The following MTHFD2L variants were observed in gnomAD, a reference collection of about 807,000 sequenced individuals.
MTHFD2L encodes methylenetetrahydrofolate dehydrogenase (NADP+ dependent) 2 like.
In MTHFD2L, 29 loss-of-function variants were observed where a neutral mutation model predicts 34.9. The ratio of observed to expected loss-of-function variants is 0.83; its 90% CI spans 0.62 to 1.13. MTHFD2L has a LOEUF of 1.13. Ranked by LOEUF, MTHFD2L falls within the 50% of genes most tolerant of loss-of-function variation. MTHFD2L has a pLI of 0.00. For missense variants in MTHFD2L, 481 were observed against 446.5 expected, an observed-to-expected ratio of 1.08 and a Z score of -0.70; for synonymous variants, 167 against 155.7, an observed-to-expected ratio of 1.07 and a Z score of -0.54.
At chr4:74,189,537 T>C (rs541789240) in intron 3 of MTHFD2L, among the ~76,000 whole-genome samples, 1 of 142,976 alleles carries the variant, frequency 7.0e-6, no homozygotes, top group Non-Finnish European at 1.5e-5. Flanking sequence ...CACTGGAAGG[T>C]GAGTAAATCA....
chr4:74,140,903 A>G (rs1393248501), intron 1 of MTHFD2L, among the ~76,000 whole-genome samples: 4 of 152,322 alleles, frequency 2.6e-5, no homozygotes, highest in Admixed American at 6.5e-5. Flanking sequence ...CCCACAAAAC[A>G]TGGGGATTAT....
chr4:74,150,817 A>G (rs1001530708), intron 1 of MTHFD2L, among the ~76,000 whole-genome samples: 3 of 152,082 alleles, frequency 2.0e-5, no homozygotes, highest in African/African-American at 7.2e-5. Flanking sequence ...GACACTTTTC[A>G]TATTAAAACT....
upstream of MTHFD2L, chr4:74,125,303 CT>C (rs1350277664): frequency 6.6e-6 from 1 of 152,142 alleles, no homozygotes. Flanking sequence ...GTTCCTGCAG[CT>C]CCCAGAAAAT....
chr4:74,136,597 G>A (rs901654810), intron 1 of MTHFD2L, among the ~76,000 whole-genome samples: 1 of 152,012 alleles, frequency 6.6e-6, no homozygotes, highest in Admixed American at 6.6e-5. Flanking sequence ...AAATTCCAAT[G>A]ACATTCTTCA....
intron 1 of MTHFD2L, among the ~76,000 whole-genome samples, chr4:74,142,080 A>T (rs1244641007): frequency 6.6e-6 from 1 of 152,232 alleles, no homozygotes. Flanking sequence ...CGATTCTCCT[A>T]TGAAAAACTC....
intron 1 of MTHFD2L, among the ~76,000 whole-genome samples, chr4:74,146,021 G>A (rs1414784819): frequency 1.3e-5 from 2 of 152,062 alleles, no homozygotes; most frequent in South Asian, 2.1e-4. Flanking sequence ...GTGGGAGAAT[G>A]TACTAATACA....
At chr4:74,278,980 C>T (rs1169781617) in intron 6 of MTHFD2L, among the ~76,000 whole-genome samples, 1 of 152,084 alleles carries the variant, frequency 6.6e-6, no homozygotes, top group Non-Finnish European at 1.5e-5. Context: ...ACCTATGACT[C>T]TACCAATAGA....
intron 1 of MTHFD2L, among the ~76,000 whole-genome samples, chr4:74,139,188 G>A (rs1169964323): frequency 6.6e-6 from 1 of 152,164 alleles, no homozygotes; most frequent in East Asian, 1.9e-4. Flanking sequence ...GCAGTAGAAT[G>A]TGTCTGAAGC....
At chr4:74,157,748 G>GT, upstream of MTHFD2L, 1 of 473,184 alleles carries the variant, frequency 2.1e-6, no homozygotes. Context: ...CACGGAGACT[G>GT]TTGGGCAGGA....
At chr4:74,296,324 A>G (rs1023721430) in intron 7 of MTHFD2L, among the ~76,000 whole-genome samples, 3 of 152,152 alleles carry the variant, frequency 2.0e-5, no homozygotes, top group Admixed American at 6.6e-5. Context: ...AGCAAATTAT[A>G]TGGCTGACAT....
intron 6 of MTHFD2L, among the ~76,000 whole-genome samples, chr4:74,265,489 C>A (rs921894877): frequency 2.6e-5 from 4 of 152,128 alleles, no homozygotes; most frequent in African/African-American, 9.7e-5. Flanking sequence ...ATGTGCCAGG[C>A]AATGTGCTAC....
chr4:74,167,378 T>C (rs1426451434), intron 1 of MTHFD2L, among the ~76,000 whole-genome samples: 2 of 152,206 alleles, frequency 1.3e-5, no homozygotes, highest in African/African-American at 2.4e-5. Context: ...GGCCACAGGC[T>C]TGTGAACCAT....
chr4:74,122,635 ACAT>A (rs1721821424), upstream of MTHFD2L, among the ~76,000 whole-genome samples: 1 of 152,232 alleles, frequency 6.6e-6, no homozygotes, highest in African/African-American at 2.4e-5. Context: ...TCATAAGGAA[ACAT>A]CAGATAAATT....
At chr4:74,198,926 C>G (rs1733941343) in intron 3 of MTHFD2L, among the ~76,000 whole-genome samples, 1 of 151,938 alleles carries the variant, frequency 6.6e-6, no homozygotes, top group Non-Finnish European at 1.5e-5. Flanking sequence ...ATATAAAACC[C>G]AAGGCATAGC....
intron 7 of MTHFD2L, among the ~76,000 whole-genome samples, chr4:74,290,003 T>G (rs1465483287): frequency 6.6e-6 from 1 of 152,196 alleles, no homozygotes; most frequent in Non-Finnish European, 1.5e-5. Context: ...AAAGGTTTTA[T>G]GCACTCAATA....
intron 6 of MTHFD2L, among the ~76,000 whole-genome samples, chr4:74,227,114 G>C (rs558951414): frequency 2.0e-3 from 309 of 152,260 alleles, no homozygotes; most frequent in Non-Finnish European, 3.5e-3. Context: ...CTGGCTCCCA[G>C]CAAGGTTTGG....
chr4:74,179,342 T>C (rs181220529), intron 3 of MTHFD2L, among the ~76,000 whole-genome samples: 84 of 152,262 alleles, frequency 5.5e-4, no homozygotes, highest in Admixed American at 9.2e-4. Context: ...TCCATACTTA[T>C]AACCTATATT....
rs182031503 is a variant in MTHFD2L at position 74,279,480 on chromosome 4, T to G, written c.806-1945T>G. 4.0e-4 allele frequency among the ~76,000 whole-genome samples: 61 copies of G among 152,166 alleles called. No individual in the cohort carries two copies. In the East Asian group the frequency reaches 9.1e-3, roughly 23 times the overall value. On this transcript the variant is annotated intron_variant, in intron 6 of 7. Transcript: ENST00000325278. ...TCATTATCCAAAACAGACAAATATT[T>G]AAAGTTTTTTTCCATTTTGTAATTT...
intron 3 of MTHFD2L, among the ~76,000 whole-genome samples, chr4:74,181,521 A>G (rs964017338): frequency 6.6e-6 from 1 of 152,300 alleles, no homozygotes; most frequent in South Asian, 2.1e-4. Flanking sequence ...CAAGTGTAGC[A>G]TCCTTCGTAC....
Sources: gnomAD v4.1 joint callset for allele counts (sites outside exome capture counted in the v4.1 genomes callset) on GRCh38, gnomAD v4.1.1 for gene constraint, MANE v1.5 for transcripts, NCBI Gene and HGNC (gene_info 2026-07-23, HGNC 2026-07-21) for gene names.